MEGF11: variants seen among roughly 807,000 people sequenced by gnomAD.
MEGF11 encodes the protein multiple epidermal growth factor-like domains protein 11.
A neutral mutation model predicts 146.6 loss-of-function variants in MEGF11; 126 were observed. That is an observed-to-expected ratio of 0.86 (90% CI 0.74 to 1.00). The LOEUF (loss-of-function observed/expected upper bound fraction) is 1.00, where lower values mean the gene tolerates loss of function less well. Among genes scored for constraint, MEGF11 ranks in the 50% least tolerant of loss-of-function variants. The pLI, the probability that MEGF11 is intolerant of heterozygous loss-of-function variation, is 0.00. For missense variants in MEGF11, 1,509 were observed against 1,521.2 expected (o/e 0.99, Z 0.13); for synonymous variants, 532 against 583.4 (o/e 0.91, Z 1.27).
At chr15:66,172,208 CA>C (rs1327872224) in intron 1 of MEGF11, among the ~76,000 whole-genome samples, 1 of 152,194 alleles carries the variant, frequency 6.6e-6, no homozygotes, top group Non-Finnish European at 1.5e-5. Context: ...ACAGGGCAGG[CA>C]GGGGAGGCAC....
intron 4 of MEGF11, among the ~76,000 whole-genome samples, 168 bp downstream of exon 4, chr15:66,118,918 C>T (rs943104344): frequency 1.3e-5 from 2 of 152,214 alleles, no homozygotes; most frequent in African/African-American, 4.8e-5. Flanking sequence ...TTGCACCAAA[C>T]TCATTATTCC....
Position 65,915,470 on chromosome 15 carries a change from CT to C in MEGF11, c.2472del (p.Ala825LeufsTer4). The C allele has an allele frequency of 6.2e-7, 1 of 1,613,806 alleles. No individual in the cohort carries two copies. Among genetic ancestry groups the C allele is most frequent in the African/African-American group, 1.3e-5 (1 of 75,064 alleles). On this transcript the variant is annotated frameshift_variant and splice_region_variant, in exon 19 of 26. Transcript: ENST00000395614. LOFTEE classifies it high-confidence loss of function. ...SPGFKGIRCD[Q>X]AALMMEELNP... ...CGGGGCTCTGCCACGTGTGTATTAC[CT>C]TGGTCACACCTGATTCCTTTGAAGC...
intron 1 of MEGF11, among the ~76,000 whole-genome samples, chr15:66,161,834 G>A (rs57652918): frequency 0.14 from 21,436 of 152,106 alleles, 1,819 homozygotes; most frequent in East Asian, 0.37. Context: ...GTGCCCTCAC[G>A]GAGCAGCAAG....
intron 24 of MEGF11, among the ~76,000 whole-genome samples, chr15:65,902,706 AAGGCTTGTCATTTGCATC>A (rs1267346046): frequency 2.0e-5 from 3 of 152,230 alleles, no homozygotes; most frequent in African/African-American, 7.2e-5. Context: ...TCACTCCTCC[AAGGCTTGTCATTTGCATC>A]AGGATTGGCG....
chr15:65,937,205 C>T (rs1435388729), intron 10 of MEGF11, among the ~76,000 whole-genome samples: 2 of 152,176 alleles, frequency 1.3e-5, no homozygotes, highest in Non-Finnish European at 2.9e-5. Flanking sequence ...CTGCCTAGAG[C>T]CTGACCCAAA....
At chr15:66,145,725 C>T (rs2089347149) in intron 1 of MEGF11, among the ~76,000 whole-genome samples, 1 of 152,168 alleles carries the variant, frequency 6.6e-6, no homozygotes, top group Admixed American at 6.5e-5. Flanking sequence ...GCATCTGGCT[C>T]CATGTTGTGG....
chr15:65,952,860 C>T (rs2141456052), intron 10 of MEGF11, among the ~76,000 whole-genome samples: 1 of 152,378 alleles, frequency 6.6e-6, no homozygotes, highest in Non-Finnish European at 1.5e-5. Context: ...TTTACCAATG[C>T]ATACCCCAAG....
At position 65,982,543 on chromosome 15, in the gene MEGF11, AG is replaced by A; in HGVS notation, c.395-56del. The A allele has an allele frequency of 1.4e-6, 2 of 1,424,200 alleles. No homozygotes were observed. The highest frequency in any genetic ancestry group is 1.5e-5 in the South Asian group (1 of 65,804). The allele number at this position is 1,424,200 out of a possible 1,614,324, so 88.2% of individuals were successfully genotyped here. On this transcript the variant is annotated intron_variant, in intron 5 of 25. Coordinates refer to ENST00000395614, the MANE Select transcript of MEGF11 (RefSeq NM_001385028.1). The surrounding 1 kb of genome is among the most constrained non-coding windows in gnomAD (Gnocchi z 5.6). ...GAGCCCCGAAGGCTCTCCTTGGGGCAGGGGCCAGGAACCGATGCCCATGCGG... is the reference window on the plus strand; with the variant it reads ...GAGCCCCGAAGGCTCTCCTTGGGGCAGGGCCAGGAACCGATGCCCATGCGG...
chr15:65,920,144 C>T (rs753713278), intron 15 of MEGF11, among the ~76,000 whole-genome samples: 18 of 152,106 alleles, frequency 1.2e-4, no homozygotes, highest in Non-Finnish European at 2.1e-4. Context: ...TGGCTAAGTG[C>T]CTTTGAGCAA....
At chr15:66,023,474 G>C (rs948848588) in intron 5 of MEGF11, among the ~76,000 whole-genome samples, 2 of 152,256 alleles carry the variant, frequency 1.3e-5, no homozygotes, top group Non-Finnish European at 2.9e-5. Flanking sequence ...GGGTGGTCAG[G>C]TGTGAGGACG....
chr15:66,198,914 T>A (rs761419401), intron 1 of MEGF11, among the ~76,000 whole-genome samples: 7 of 152,234 alleles, frequency 4.6e-5, no homozygotes, highest in Admixed American at 1.3e-4. Flanking sequence ...ATGCCCAGGC[T>A]GAATGCTGAC....
Position 65,965,118 on chromosome 15 carries a change from C to T in MEGF11, c.902G>A (p.Cys301Tyr). The change falls in exon 9 of 26, where the codon TGC becomes TAC. Residue 301 changes from cysteine to tyrosine, a missense_variant and splice_region_variant. Coordinates refer to ENST00000395614, the MANE Select transcript of MEGF11 (RefSeq NM_001385028.1). ...HCTAGYMGDRCQEECPFGSFG... is the reference protein window; with the variant it reads ...HCTAGYMGDRYQEECPFGSFG... ...GGACCCGAAGGGGCACTCCTCTTGG[C>T]ACCTGTGGGAGAGCAGAGTGGGGCT... 1 of 1,585,720 alleles carries T rather than the reference C, an allele frequency of 6.3e-7. No individual in the cohort carries two copies. The highest frequency in any genetic ancestry group is 8.6e-7 in the Non-Finnish European group (1 of 1,162,896).
intron 4 of MEGF11, among the ~76,000 whole-genome samples, chr15:66,097,501 T>C (rs1373870977): frequency 6.6e-6 from 1 of 152,214 alleles, no homozygotes; most frequent in Admixed American, 6.5e-5. Flanking sequence ...GGCCTCCTTC[T>C]TGGAAACTTA....
chr15:65,984,692 G>A (rs902984822), intron 5 of MEGF11, among the ~76,000 whole-genome samples: 10 of 152,090 alleles, frequency 6.6e-5, no homozygotes, highest in Non-Finnish European at 1.2e-4. Flanking sequence ...CCAAGCACAC[G>A]TAGTTGAATT....
At chr15:66,017,650 A>G (rs529810059) in intron 5 of MEGF11, among the ~76,000 whole-genome samples, 11 of 152,122 alleles carry the variant, frequency 7.2e-5, no homozygotes, top group Non-Finnish European at 1.6e-4. Flanking sequence ...CCTTCTCCTC[A>G]GTACCCACAG....
intron 1 of MEGF11, among the ~76,000 whole-genome samples, chr15:66,165,683 C>T (rs2090079126): frequency 6.6e-6 from 1 of 152,154 alleles, no homozygotes. Context: ...TCCCTCATTT[C>T]TCCTGTCTCC....
rs1178654770 is a variant in MEGF11 at position 66,151,516 on chromosome 15, G to GCTCACCACA, written c.-8-23114_-8-23106dup. Among the ~76,000 whole-genome samples the GCTCACCACA allele has an allele frequency of 3.9e-5, 6 of 152,258 alleles. 1 individual carries two copies. In the South Asian group the frequency reaches 1.2e-3, roughly 32 times the overall value. Reference sequence around the variant, plus strand: ...CTGGGTTTCTTAATCTGTCAAGGAAGCTCACCACACCAGACAATCCCTACA... The same window carrying GCTCACCACA: ...CTGGGTTTCTTAATCTGTCAAGGAAGCTCACCACACTCACCACACCAGACAATCCCTACA... On this transcript the variant is annotated intron_variant, in intron 1 of 25. Transcript: ENST00000395614.
At chr15:66,082,431 A>T (rs1181660401) in intron 5 of MEGF11, among the ~76,000 whole-genome samples, 4 of 12,378 alleles carry the variant, frequency 3.2e-4, no homozygotes, top group Non-Finnish European at 6.3e-4. Context: ...CTACTAAAAA[A>T]AAAAAAAAAA....
chr15:66,212,842 G>A (rs1193598154), intron 1 of MEGF11, among the ~76,000 whole-genome samples: 1 of 152,236 alleles, frequency 6.6e-6, no homozygotes, highest in Non-Finnish European at 1.5e-5. Context: ...CAAGTTGAAG[G>A]CTCCAGCAGT....
Sources: gnomAD v4.1 joint callset for allele counts (sites outside exome capture counted in the v4.1 genomes callset) on GRCh38, gnomAD v4.1.1 for gene constraint, Gnocchi (gnomAD v3.1) non-coding constraint, MANE v1.5 for transcripts, NCBI Gene and HGNC (gene_info 2026-07-23, HGNC 2026-07-21) for gene names.